Variants in FSIP1 observed in about 807,000 individuals in gnomAD.
The protein encoded by FSIP1 is fibrous sheath-interacting protein 1.
Under a neutral mutation model 60.9 loss-of-function variants are expected in FSIP1, and 65 were observed. The ratio of observed to expected loss-of-function variants is 1.07; its 90% CI spans 0.87 to 1.31. The LOEUF is 1.31. Among genes scored for constraint, FSIP1 ranks in the 40% most tolerant of loss-of-function variants. The pLI, the probability that FSIP1 is intolerant of heterozygous loss-of-function variation, is 0.00. For missense variants in FSIP1, 675 were observed against 665.5 expected (o/e 1.01, Z -0.16); for synonymous variants, 209 against 221.2 (o/e 0.94, Z 0.49).
At chr15:39,615,863 AT>A (rs1265578337) in intron 11 of FSIP1, among the ~76,000 whole-genome samples, 1 of 152,212 alleles carries the variant, frequency 6.6e-6, no homozygotes, top group Non-Finnish European at 1.5e-5. Flanking sequence ...CTTAGGAAGA[AT>A]AAATTTTGAG....
chr15:39,618,227 G>C lies in FSIP1; in HGVS notation c.1207C>G (p.Leu403Val), dbSNP rs566019998. ...AGACACTTTAACTGTTCTTCAGAGA[G>C]ACATGATGTGGACTCTAACTGATGA... ...KENVLESTSC[L>V]SEEQLKCLLD... is the part of the protein sequence containing the mutation. Residue 403 changes from leucine (L) to valine (V), a missense_variant, in exon 11 of 12, where the codon CTC (leucine) becomes GTC (valine). By Grantham distance (32) the Leu-to-Val change is conservative. Transcript: ENST00000350221. The C allele has an allele frequency of 6.2e-7, 1 of 1,606,396 alleles. No individual in the cohort carries two copies. Among genetic ancestry groups the C allele is most frequent in the Non-Finnish European group, 8.5e-7 (1 of 1,174,008 alleles).
At chr15:39,649,159 T>G (rs1429078174) in intron 10 of FSIP1, among the ~76,000 whole-genome samples, 1 of 152,214 alleles carries the variant, frequency 6.6e-6, no homozygotes, top group African/African-American at 2.4e-5. Flanking sequence ...TTAAGAGTTT[T>G]CAGCTGGAAT....
At chr15:39,653,673 T>C (rs1434638634) in intron 10 of FSIP1, among the ~76,000 whole-genome samples, 1 of 152,142 alleles carries the variant, frequency 6.6e-6, no homozygotes, top group Admixed American at 6.5e-5. Flanking sequence ...GATGTTCTCA[T>C]AACAGCGAAT....
chr15:39,760,436 T>G (rs986718957), intron 5 of FSIP1, among the ~76,000 whole-genome samples: 1 of 152,100 alleles, frequency 6.6e-6, no homozygotes, highest in Non-Finnish European at 1.5e-5. Flanking sequence ...GTGATCAAGG[T>G]GAAACATTAC....
chr15:39,674,151 T>C (rs1288250641), intron 10 of FSIP1, among the ~76,000 whole-genome samples: 1 of 151,040 alleles, frequency 6.6e-6, no homozygotes, highest in African/African-American at 2.4e-5. Context: ...GCCTCCCGGG[T>C]TCATGCCATT....
intron 1 of FSIP1, among the ~76,000 whole-genome samples, chr15:39,780,877 C>A (rs749253047): frequency 5.5e-4 from 84 of 152,114 alleles, no homozygotes; most frequent in Admixed American, 9.2e-4. Flanking sequence ...GGTGAGCCAC[C>A]GTGCCTGGCC....
At chr15:39,765,044 G>A (rs1016890857) in intron 4 of FSIP1, among the ~76,000 whole-genome samples, 6 of 152,070 alleles carry the variant, frequency 3.9e-5, no homozygotes, top group Admixed American at 6.5e-5. Context: ...AGATGAACAC[G>A]CCAGCGCAGT....
chr15:39,738,043 T>A, intron 8 of FSIP1, 48 bp downstream of exon 8: 1 of 1,067,550 alleles, frequency 9.4e-7, no homozygotes, highest in South Asian at 1.6e-5. Flanking sequence ...TATTATTTTT[T>A]AAAATCTAAA....
chr15:39,695,001 T>G (rs965864293), intron 10 of FSIP1, among the ~76,000 whole-genome samples: 6 of 152,144 alleles, frequency 3.9e-5, no homozygotes, highest in Non-Finnish European at 7.3e-5. Flanking sequence ...AGATGTGCTG[T>G]CAGTAGGGTT....
chr15:39,653,196 A>C (rs1892946497), intron 10 of FSIP1, among the ~76,000 whole-genome samples: 1 of 141,684 alleles, frequency 7.1e-6, no homozygotes. Context: ...AAAAAAACCC[A>C]AAAACGAAAA....
intron 10 of FSIP1, among the ~76,000 whole-genome samples, chr15:39,679,869 T>A (rs1307131997): frequency 6.6e-6 from 1 of 152,204 alleles, no homozygotes; most frequent in Admixed American, 6.5e-5. Context: ...CTATTTGAAA[T>A]AGCCACAAGG....
At chr15:39,606,967 C>T (rs1258078736) in intron 11 of FSIP1, among the ~76,000 whole-genome samples, 2 of 152,172 alleles carry the variant, frequency 1.3e-5, no homozygotes, top group African/African-American at 4.8e-5. Flanking sequence ...TTCGGAAGTG[C>T]CAGTACATTC....
At chr15:39,721,985 A>G (rs1896000534) in intron 9 of FSIP1, among the ~76,000 whole-genome samples, 1 of 152,146 alleles carries the variant, frequency 6.6e-6, no homozygotes, top group Non-Finnish European at 1.5e-5. Flanking sequence ...CCCCCAGGCC[A>G]TGGACGGTTC....
At chr15:39,649,680 A>G (rs1032132121) in intron 10 of FSIP1, among the ~76,000 whole-genome samples, 2 of 152,210 alleles carry the variant, frequency 1.3e-5, no homozygotes, top group African/African-American at 4.8e-5. Context: ...TATTCTTCCC[A>G]GACACTTTTT....
At chr15:39,638,994 G>T (rs1045174210) in intron 10 of FSIP1, among the ~76,000 whole-genome samples, 2 of 151,984 alleles carry the variant, frequency 1.3e-5, no homozygotes, top group African/African-American at 4.8e-5. Flanking sequence ...AAAATATAAA[G>T]GTATACATTT....
chr15:39,761,261 T>A (rs1897487883), intron 5 of FSIP1, among the ~76,000 whole-genome samples: 1 of 152,202 alleles, frequency 6.6e-6, no homozygotes, highest in Non-Finnish European at 1.5e-5. Context: ...GTCAACGAGA[T>A]GTCTGCTCTC....
chr15:39,759,262 C>A (rs1017889571), intron 5 of FSIP1, among the ~76,000 whole-genome samples: 3 of 151,886 alleles, frequency 2.0e-5, no homozygotes, highest in Admixed American at 1.3e-4. Flanking sequence ...TTAAAAAAGT[C>A]TTTCAAATCA....
chr15:39,677,319 G>A (rs1893982333), intron 10 of FSIP1, among the ~76,000 whole-genome samples: 1 of 152,126 alleles, frequency 6.6e-6, no homozygotes, highest in African/African-American at 2.4e-5. Flanking sequence ...GGTGACATAT[G>A]AATTCATATG....
rs538995637 is a variant in FSIP1, at chr15:39,645,604, C to T, written c.1189-27359G>A. 2.6e-5 allele frequency among the ~76,000 whole-genome samples: 4 copies of T among 151,618 alleles called. No homozygotes were observed. The South Asian group carries it at 8.4e-4, about 32-fold the overall frequency. ...CTGGAACTCCCAGTTGGGAAGCAGG[C>T]AGGAGCCGGGGACAAGCGGGAGCCC... On this transcript the variant is annotated intron_variant, in intron 10 of 11. Coordinates refer to ENST00000350221, the MANE Select transcript of FSIP1 (RefSeq NM_152597.5).
Sources: gnomAD v4.1 joint callset for allele counts (sites outside exome capture counted in the v4.1 genomes callset) on GRCh38, gnomAD v4.1.1 for gene constraint, MANE v1.5 for transcripts, NCBI Gene and HGNC (gene_info 2026-07-23, HGNC 2026-07-21) for gene names.